Variants in CSMD1 observed in about 807,000 individuals in gnomAD.
CSMD1 encodes CUB and Sushi multiple domains 1.
CSMD1 carries 213 observed loss-of-function variants against 417.5 expected under a neutral mutation model. That is an observed-to-expected ratio of 0.51 (90% confidence interval 0.46 to 0.57). The LOEUF (loss-of-function observed/expected upper bound fraction) is 0.57. CSMD1 is among the 20% of genes least tolerant of loss of function. The pLI is 0.00. For missense variants in CSMD1, 6,923 were observed against 4,529.7 expected (o/e 1.53, Z -15.17); for synonymous variants, 2,862 against 1,736.8 (o/e 1.65, Z -16.11).
chr8:3,040,147 G>T (rs888716430), intron 50 of CSMD1, among the ~76,000 whole-genome samples: 1 of 152,038 alleles, frequency 6.6e-6, no homozygotes, highest in Non-Finnish European at 1.5e-5. Flanking sequence ...CTAGAATTTG[G>T]AGAAGATGGA....
chr8:4,678,624 C>T (rs539777235), intron 1 of CSMD1, among the ~76,000 whole-genome samples: 1 of 152,200 alleles, frequency 6.6e-6, no homozygotes, highest in East Asian at 1.9e-4. Context: ...TACATTACTA[C>T]TAAAAACATG....
rs567654185 is a variant in CSMD1 at position 4,310,978 on chromosome 8, C to T, written c.415+108975G>A. The stretch of plus-strand genomic sequence containing the variant: ...TACTATCTCCTACCAGTCGGAATGG[C>T]TACTGAAAAGTACAAAGATAATAGA... On this transcript the variant is annotated intron_variant, in intron 3 of 69. Coordinates refer to ENST00000635120, the MANE Select transcript of CSMD1 (RefSeq NM_033225.6). Among the ~76,000 whole-genome samples the T allele has an allele frequency of 8.5e-5, 13 of 152,258 alleles. No homozygotes were observed. In the South Asian group the frequency reaches 2.1e-3, roughly 24 times the overall value.
intron 2 of CSMD1, among the ~76,000 whole-genome samples, chr8:4,563,789 T>G (rs1238236772): frequency 6.6e-6 from 1 of 152,136 alleles, no homozygotes; most frequent in Non-Finnish European, 1.5e-5. Context: ...CCTAAATGTT[T>G]CTGTCCCCAA....
At chr8:3,955,743 A>T (rs111835165) in intron 5 of CSMD1, among the ~76,000 whole-genome samples, 35 of 152,328 alleles carry the variant, frequency 2.3e-4, no homozygotes, top group African/African-American at 8.2e-4. Flanking sequence ...AGTAAGAAAA[A>T]AACAGGGTCA....
At chr8:4,466,616 T>G (rs561961210) in intron 2 of CSMD1, among the ~76,000 whole-genome samples, 1 of 152,176 alleles carries the variant, frequency 6.6e-6, no homozygotes, top group Non-Finnish European at 1.5e-5. Context: ...CATAAGCCAG[T>G]TCAATTTTTT....
At chr8:4,101,082 C>T (rs1402702313) in intron 3 of CSMD1, among the ~76,000 whole-genome samples, 1 of 152,136 alleles carries the variant, frequency 6.6e-6, no homozygotes, top group Non-Finnish European at 1.5e-5. Flanking sequence ...GCGCTGGGTT[C>T]AGAACTATGC....
intron 5 of CSMD1, among the ~76,000 whole-genome samples, chr8:3,869,521 A>G (rs557388028): frequency 1.3e-5 from 2 of 152,274 alleles, no homozygotes; most frequent in Admixed American, 6.5e-5. Context: ...ATGCTTAACA[A>G]TATTTTATCA....
At chr8:4,953,616 T>G (rs1213384836) in intron 1 of CSMD1, among the ~76,000 whole-genome samples, 1 of 152,124 alleles carries the variant, frequency 6.6e-6, no homozygotes, top group Non-Finnish European at 1.5e-5. Flanking sequence ...AGAAAAAAAC[T>G]TGGCAATACT....
intron 1 of CSMD1, among the ~76,000 whole-genome samples, chr8:4,825,532 T>C (rs1205396903): frequency 6.6e-6 from 1 of 151,942 alleles, no homozygotes; most frequent in Non-Finnish European, 1.5e-5. Context: ...TAAACACAAT[T>C]CTACTCTCTG....
chr8:3,944,048 T>A (rs1811065746), intron 5 of CSMD1, among the ~76,000 whole-genome samples: 1 of 152,164 alleles, frequency 6.6e-6, no homozygotes, highest in African/African-American at 2.4e-5. Flanking sequence ...AACATGTTCT[T>A]GTTTTTGCTC....
intron 3 of CSMD1, among the ~76,000 whole-genome samples, chr8:4,311,495 G>A (rs1014248008): frequency 3.9e-5 from 6 of 152,066 alleles, no homozygotes; most frequent in Non-Finnish European, 7.4e-5. Flanking sequence ...GGCCAAGTTG[G>A]GCAGATCACC....
At chr8:4,100,769 T>C (rs1319599799) in intron 3 of CSMD1, among the ~76,000 whole-genome samples, 7 of 152,184 alleles carry the variant, frequency 4.6e-5, no homozygotes, top group African/African-American at 1.4e-4. Context: ...AATGAAGTCA[T>C]CGATCTTACC....
At chr8:3,164,349 A>G (rs1211513899) in intron 37 of CSMD1, among the ~76,000 whole-genome samples, 2 of 152,240 alleles carry the variant, frequency 1.3e-5, no homozygotes, top group Admixed American at 6.5e-5. Context: ...ATGAAGTACC[A>G]TAAGCATTAA....
chr8:3,053,270 G>T (rs1220787611), intron 49 of CSMD1, among the ~76,000 whole-genome samples: 5 of 152,136 alleles, frequency 3.3e-5, no homozygotes, highest in Non-Finnish European at 1.5e-5. Flanking sequence ...AGAGGGTGTG[G>T]CCACGGGAGC....
At chr8:4,050,280 G>A (rs1251086195) in intron 3 of CSMD1, among the ~76,000 whole-genome samples, 2 of 152,134 alleles carry the variant, frequency 1.3e-5, no homozygotes, top group African/African-American at 2.4e-5. Context: ...CTCTTTGGAA[G>A]GGAGGAACTA....
chr8:3,193,840 A>T (rs1796558426), intron 33 of CSMD1, among the ~76,000 whole-genome samples: 2 of 152,168 alleles, frequency 1.3e-5, no homozygotes, highest in South Asian at 4.2e-4. Context: ...ATGTTGTGAC[A>T]GGTTCGATGA....
intron 3 of CSMD1, among the ~76,000 whole-genome samples, chr8:4,369,603 T>C (rs1802285642): frequency 1.3e-5 from 2 of 152,152 alleles, no homozygotes; most frequent in African/African-American, 4.8e-5. Flanking sequence ...TATGAACTTG[T>C]TTTATGACTA....
rs577331486 is a variant in CSMD1, at chr8:4,268,068, C to T, written c.415+151885G>A. ...AGTGTGTTCACAATTTCAAAATCCTCGCAATCCACAAATTGAAACATTGTT... is the reference window on the plus strand; with the variant it reads ...AGTGTGTTCACAATTTCAAAATCCTTGCAATCCACAAATTGAAACATTGTT... On this transcript the variant is annotated intron_variant, in intron 3 of 69. Transcript: ENST00000635120. Among the ~76,000 whole-genome samples, 13 of 152,178 alleles carry T rather than the reference C, an allele frequency of 8.5e-5. No individual in the cohort carries two copies. The East Asian group carries it at 1.5e-3, about 18-fold the overall frequency.
At chr8:3,762,191 C>A (rs1235621557) in intron 5 of CSMD1, among the ~76,000 whole-genome samples, 1 of 152,178 alleles carries the variant, frequency 6.6e-6, no homozygotes, top group Non-Finnish European at 1.5e-5. Context: ...TGACTTCATG[C>A]AGGGCGCCAT....
Sources: gnomAD v4.1 joint callset for allele counts (sites outside exome capture counted in the v4.1 genomes callset) on GRCh38, gnomAD v4.1.1 for gene constraint, MANE v1.5 for transcripts, NCBI Gene and HGNC (gene_info 2026-07-23, HGNC 2026-07-21) for gene names.